Variants in BTAF1 observed in about 807,000 individuals in gnomAD.
BTAF1 encodes B-TFIID TATA-box binding protein associated factor 1.
In BTAF1, 38 loss-of-function variants were observed where a neutral mutation model predicts 227.1. The observed-to-expected ratio is 0.17, with a 90% CI of 0.13 to 0.22. The LOEUF is 0.22. Among genes scored for constraint, BTAF1 ranks in the 10% least tolerant of loss-of-function variants. The pLI is 1.00. For missense variants in BTAF1, 1,598 were observed against 2,204.0 expected, an observed-to-expected ratio of 0.73 and a Z score of 5.51; for synonymous variants, 742 against 751.9, an observed-to-expected ratio of 0.99 and a Z score of 0.21.
At chr10:92,002,585 A>G (rs1270389707) in intron 25 of BTAF1, among the ~76,000 whole-genome samples, 1 of 152,172 alleles carries the variant, frequency 6.6e-6, no homozygotes, top group Non-Finnish European at 1.5e-5. Context: ...GTGCAGAAAG[A>G]CTTTATTTTA....
chr10:91,983,855 A>T (rs1257086581), intron 18 of BTAF1, among the ~76,000 whole-genome samples: 2 of 151,758 alleles, frequency 1.3e-5, no homozygotes, highest in African/African-American at 4.8e-5. Flanking sequence ...TTTTTAAATA[A>T]CATTTTTAAT....
intron 5 of BTAF1, 100 bp from the exon 6 acceptor site, chr10:91,953,637 T>G: frequency 7.7e-7 from 1 of 1,295,986 alleles, no homozygotes; most frequent in Non-Finnish European, 1.1e-6. Flanking sequence ...TCGATGTATA[T>G]ATACTGAAAT....
Position 92,014,037 on chromosome 10 carries a change from A to G in BTAF1, c.4584+8A>G. The G allele has an allele frequency of 1.2e-6, 2 of 1,603,488 alleles. No individual in the cohort carries two copies. Among genetic ancestry groups the G allele is most frequent in the Non-Finnish European group, 1.7e-6 (2 of 1,176,910 alleles). On this transcript the variant is annotated splice_region_variant and intron_variant, in intron 32 of 37. Coordinates refer to ENST00000265990, the MANE Select transcript of BTAF1 (RefSeq NM_003972.3). ...ACTCTTAGTCCTCTCCAGGTTAGGAATCTCGTGTTTATCATTGTTAGTGGT... is the reference window on the plus strand; with the variant it reads ...ACTCTTAGTCCTCTCCAGGTTAGGAGTCTCGTGTTTATCATTGTTAGTGGT...
At chr10:91,949,599 A>T (rs1023743212) in intron 4 of BTAF1, among the ~76,000 whole-genome samples, 1 of 152,134 alleles carries the variant, frequency 6.6e-6, no homozygotes, top group Non-Finnish European at 1.5e-5. Flanking sequence ...TCTGGACAAT[A>T]GCTCAAATCT....
At chr10:91,998,834 T>G (rs944332707) in intron 25 of BTAF1, among the ~76,000 whole-genome samples, 5 of 152,114 alleles carry the variant, frequency 3.3e-5, no homozygotes, top group African/African-American at 1.2e-4. Flanking sequence ...GTGGATCACT[T>G]GAGGTCAGGA....
At chr10:92,007,298 A>G (rs1849987435) in intron 25 of BTAF1, among the ~76,000 whole-genome samples, 1 of 138,478 alleles carries the variant, frequency 7.2e-6, no homozygotes, top group African/African-American at 2.7e-5. Context: ...AGCTCACTGC[A>G]ACATCTACCT....
chr10:92,017,444 G>T (rs1325009461), intron 33 of BTAF1, among the ~76,000 whole-genome samples: 7 of 152,118 alleles, frequency 4.6e-5, no homozygotes, highest in Admixed American at 3.3e-4. Context: ...CCTGCTAATA[G>T]ATTAAGTACT....
chr10:91,934,301 C>A (rs1370127882), intron 1 of BTAF1, among the ~76,000 whole-genome samples: 1 of 151,876 alleles, frequency 6.6e-6, no homozygotes, highest in East Asian at 1.9e-4. Flanking sequence ...GTGGTACAAT[C>A]TCAGCTCATT....
intron 11 of BTAF1, among the ~76,000 whole-genome samples, chr10:91,960,940 A>T (rs1238898055): frequency 6.6e-6 from 1 of 152,226 alleles, no homozygotes; most frequent in African/African-American, 2.4e-5. Flanking sequence ...ATATAAATAT[A>T]TCTAAAGTCC....
intron 1 of BTAF1, among the ~76,000 whole-genome samples, chr10:91,927,986 T>TC (rs1313643054): frequency 2.7e-5 from 4 of 150,284 alleles, no homozygotes; most frequent in African/African-American, 7.3e-5. Context: ...TTTTCTTTTT[T>TC]TTTTTTTTTT....
chr10:92,014,427 G>C (rs889330758), intron 32 of BTAF1, among the ~76,000 whole-genome samples: 3 of 152,044 alleles, frequency 2.0e-5, no homozygotes, highest in Non-Finnish European at 4.4e-5. Flanking sequence ...GGGTCTTGCT[G>C]TGTTGCCCAG....
rs542639708 is a variant in BTAF1 at position 91,951,918 on chromosome 10, AGATAT to A, written c.564+357_564+361del. On this transcript the variant is annotated intron_variant, in intron 5 of 37. Transcript: ENST00000265990. Reference sequence around the variant, plus strand: ...AGAGATAGTAAGGGCTATTATAGTCAGATATGATAGTAGAAGTGTTTAGTGTTATG... The same window carrying A: ...AGAGATAGTAAGGGCTATTATAGTCAGATAGTAGAAGTGTTTAGTGTTATG... Among the ~76,000 whole-genome samples, 537 of 152,240 alleles carry A rather than the reference AGATAT, an allele frequency of 3.5e-3. 3 individuals are homozygous for A. The highest frequency in any genetic ancestry group is 0.014 in the Middle Eastern group (4 of 294).
rs965044472 is a variant in BTAF1 at position 91,997,488 on chromosome 10, A to G, written c.3512-115A>G. 5.6e-6 allele frequency: 5 copies of G among 899,848 alleles called. No homozygotes were observed. In the South Asian group the frequency reaches 9.0e-5, roughly 16 times the overall value. 55.7% of individuals were successfully genotyped at this position (899,848 alleles called of 1,614,324 possible). A position where few individuals can be genotyped will look rare whatever the true frequency, so the allele number is the denominator to read the frequency against. ...GCCTGGAGGGTCAGTCTTTTCCCTC[A>G]TAATACAGATGAGAAAATGGTGAGC... On this transcript the variant is annotated intron_variant, in intron 24 of 37. Transcript: ENST00000265990.
chr10:91,990,195 A>G (rs1341215870), intron 20 of BTAF1, among the ~76,000 whole-genome samples: 2 of 152,196 alleles, frequency 1.3e-5, no homozygotes, highest in Admixed American at 6.5e-5. Flanking sequence ...ATTGTTAACA[A>G]GATTTTGGGA....
At chr10:91,994,935 C>T (rs1849033698) in intron 23 of BTAF1, among the ~76,000 whole-genome samples, 1 of 152,136 alleles carries the variant, frequency 6.6e-6, no homozygotes, top group African/African-American at 2.4e-5. Flanking sequence ...AAGAAAACTG[C>T]AGCCCTGTTC....
chr10:91,946,165 C>A (rs1448115356), intron 4 of BTAF1, among the ~76,000 whole-genome samples: 1 of 152,140 alleles, frequency 6.6e-6, no homozygotes, highest in African/African-American at 2.4e-5. Context: ...TTGAGACCAG[C>A]CTGACCAACA....
chr10:91,955,051 G>A (rs1846005932), intron 6 of BTAF1, among the ~76,000 whole-genome samples: 1 of 152,126 alleles, frequency 6.6e-6, no homozygotes, highest in Admixed American at 6.5e-5. Flanking sequence ...GCACAAAGGG[G>A]GATAAATAAT....
intron 23 of BTAF1, among the ~76,000 whole-genome samples, chr10:91,996,110 A>G (rs1241748034): frequency 1.3e-5 from 2 of 152,180 alleles, no homozygotes; most frequent in African/African-American, 4.8e-5. Flanking sequence ...GAGTGTTCCT[A>G]TATGCCTAAG....
chr10:91,981,512 C>G, intron 15 of BTAF1, 131 bp from the exon 16 acceptor site: 1 of 960,812 alleles, frequency 1.0e-6, no homozygotes, highest in Non-Finnish European at 1.5e-6. Context: ...AAATAAGCCT[C>G]TATATTGAAT....
Sources: allele counts gnomAD v4.1 joint callset (sites outside exome capture counted in the v4.1 genomes callset), GRCh38; gene constraint gnomAD v4.1.1; transcripts MANE v1.5; gene names NCBI Gene and HGNC (gene_info 2026-07-23, HGNC 2026-07-21).